SERGEF: variants seen among roughly 807,000 people sequenced by gnomAD.
The protein encoded by SERGEF is secretion regulating guanine nucleotide exchange factor.
A neutral mutation model predicts 50.0 loss-of-function variants in SERGEF; 51 were observed. The observed-to-expected ratio is 1.02, with a 90% CI of 0.81 to 1.29. SERGEF has a LOEUF of 1.29. SERGEF is among the 50% of genes most tolerant of loss of function. The probability of loss-of-function intolerance (pLI) is 0.00; values close to 1 mark genes in which losing one functional copy is unlikely to be tolerated. For synonymous variants in SERGEF, 205 were observed against 212.4 expected (o/e 0.97, Z 0.30); for missense variants, 521 against 557.0 (o/e 0.94, Z 0.65).
At chr11:17,825,300 C>T (rs988202310) in intron 10 of SERGEF, among the ~76,000 whole-genome samples, 3 of 152,052 alleles carry the variant, frequency 2.0e-5, no homozygotes, top group East Asian at 1.9e-4. Context: ...AAAATACAAG[C>T]GGAAATTCAA....
In SERGEF at chr11:17,976,665, G is replaced by T. The variant is rs1190070648; in HGVS notation, c.844+11932C>A. 2.0e-5 allele frequency among the ~76,000 whole-genome samples: 3 copies of T among 152,072 alleles called. No homozygotes were observed. In the East Asian group the frequency reaches 5.8e-4, roughly 29 times the overall value. On this transcript the variant is annotated intron_variant, in intron 8 of 10. Coordinates refer to ENST00000265965, the MANE Select transcript of SERGEF (RefSeq NM_012139.4). ...TCCCCTGAGAAAGGGCAAGCAGAGT[G>T]CCATCTGCCAAAAACCTAAAAATGA...
chr11:17,831,021 A>G (rs1850299239), intron 10 of SERGEF, among the ~76,000 whole-genome samples: 1 of 152,236 alleles, frequency 6.6e-6, no homozygotes, highest in Non-Finnish European at 1.5e-5. Context: ...TTCCCAAAGT[A>G]CTTTTCTATT....
chr11:18,008,356 A>T (rs1052919320), intron 1 of SERGEF, among the ~76,000 whole-genome samples: 2 of 152,232 alleles, frequency 1.3e-5, no homozygotes, highest in African/African-American at 4.8e-5. Flanking sequence ...ACTCATGACC[A>T]TAACAGTGGA....
intron 10 of SERGEF, among the ~76,000 whole-genome samples, chr11:17,822,043 T>G (rs1017240454): frequency 5.9e-5 from 9 of 152,266 alleles, no homozygotes; most frequent in Non-Finnish European, 1.3e-4. Flanking sequence ...CCAAACTCCC[T>G]CTAAACAGAA....
chr11:17,918,387 C>A (rs1590196827), intron 9 of SERGEF, among the ~76,000 whole-genome samples: 1 of 152,194 alleles, frequency 6.6e-6, no homozygotes, highest in East Asian at 1.9e-4. Flanking sequence ...CAGCTCCCTG[C>A]AGGGTCAATA....
intron 9 of SERGEF, among the ~76,000 whole-genome samples, chr11:17,912,790 C>A (rs773108170): frequency 3.6e-4 from 55 of 151,496 alleles, no homozygotes; most frequent in Non-Finnish European, 6.9e-4. Context: ...TAAGGCAGCC[C>A]TGACAAGTGG....
chr11:17,866,088 G>A (rs1851017449), intron 10 of SERGEF, among the ~76,000 whole-genome samples: 1 of 152,214 alleles, frequency 6.6e-6, no homozygotes, highest in Non-Finnish European at 1.5e-5. Context: ...CTGTTGCTCT[G>A]CCTTTAGCTG....
intron 1 of SERGEF, among the ~76,000 whole-genome samples, chr11:18,012,303 G>A (rs149165996): frequency 1.7e-3 from 260 of 152,276 alleles, no homozygotes; most frequent in African/African-American, 6.0e-3. Context: ...GTGCATGCTG[G>A]TCGGCCACCT....
In SERGEF at chr11:17,959,419, T is replaced by G. The variant is rs977426905; in HGVS notation, c.1011+51A>C. On this transcript the variant is annotated intron_variant, in intron 9 of 10. Transcript: ENST00000265965. Reference sequence around the variant, plus strand: ...AGTAGGCCCTCAGTAAATGATTCACTGAAAGACAAGAAAAAGGGACAGATT... The same window carrying G: ...AGTAGGCCCTCAGTAAATGATTCACGGAAAGACAAGAAAAAGGGACAGATT... 1.9e-6 allele frequency: 3 copies of G among 1,553,374 alleles called. No homozygotes were observed. In the African/African-American group the frequency reaches 4.1e-5, roughly 21 times the overall value.
intron 10 of SERGEF, among the ~76,000 whole-genome samples, chr11:17,831,605 G>A (rs1431212386): frequency 6.6e-6 from 1 of 152,170 alleles, no homozygotes; most frequent in Admixed American, 6.5e-5. Flanking sequence ...GGCCTTCTAG[G>A]GAAGAGGAAC....
intron 10 of SERGEF, among the ~76,000 whole-genome samples, chr11:17,857,117 T>A (rs1850835030): frequency 6.6e-6 from 1 of 152,130 alleles, no homozygotes. Flanking sequence ...GACTGCTAGG[T>A]CACAGTGACA....
chr11:18,012,847 G>T (rs753857707), intron 1 of SERGEF, 104 bp downstream of exon 1: 3 of 1,496,416 alleles, frequency 2.0e-6, no homozygotes, highest in South Asian at 2.4e-5. Flanking sequence ...AGCCCGGCTC[G>T]GACCTCAGCC....
chr11:17,905,473 C>A (rs1851822276), intron 9 of SERGEF, among the ~76,000 whole-genome samples: 1 of 152,228 alleles, frequency 6.6e-6, no homozygotes, highest in African/African-American at 2.4e-5. Context: ...ACCAGCCTTG[C>A]TGAACAACCA....
At chr11:17,891,082 T>C (rs1400638428) in intron 9 of SERGEF, among the ~76,000 whole-genome samples, 1 of 152,146 alleles carries the variant, frequency 6.6e-6, no homozygotes, top group African/African-American at 2.4e-5. Flanking sequence ...GATCAACAAA[T>C]TGGATAAAGA....
chr11:18,007,991 C>T lies in SERGEF; in HGVS notation c.146G>A (p.Arg49Lys). Residue 49 changes from arginine (R) to lysine (K), a missense_variant, in exon 2 of 11, where the codon AGG (arginine) becomes AAG (lysine). Physicochemically the swap from Arg to Lys is conservative, Grantham distance 26. Coordinates refer to ENST00000265965, the MANE Select transcript of SERGEF (RefSeq NM_012139.4). ...TCCTCCTGTGATCCTCCTGACACTCCTGGGTTTACAGAAGTCATTCAGTTG... is the reference window on the plus strand; with the variant it reads ...TCCTCCTGTGATCCTCCTGACACTCTTGGGTTTACAGAAGTCATTCAGTTG... The part of the protein sequence containing the change: ...PQQLNDFCKP[R>K]SVRRITGGGG... 6.2e-7 allele frequency: 1 copy of T among 1,614,106 alleles called. No homozygotes were observed. Among genetic ancestry groups the T allele is most frequent in the Non-Finnish European group, 8.5e-7 (1 of 1,179,984 alleles).
At chr11:17,790,009 A>G (rs551095185) in intron 10 of SERGEF, among the ~76,000 whole-genome samples, 1 of 152,346 alleles carries the variant, frequency 6.6e-6, no homozygotes, top group East Asian at 1.9e-4. Context: ...AAAAAAGTAA[A>G]TTAAAAATAA....
intron 1 of SERGEF, among the ~76,000 whole-genome samples, 198 bp from the exon 2 acceptor site, chr11:18,008,274 T>C (rs1854125194): frequency 6.6e-6 from 1 of 152,200 alleles, no homozygotes; most frequent in Admixed American, 6.5e-5. Flanking sequence ...TTCAAATATA[T>C]AATAACAAGC....
intron 10 of SERGEF, among the ~76,000 whole-genome samples, chr11:17,803,549 A>G (rs938831057): frequency 5.9e-5 from 9 of 152,210 alleles, no homozygotes. Context: ...AATAAGAACA[A>G]TCGTCTTTTC....
chr11:17,904,769 T>C (rs1260958027), intron 9 of SERGEF, among the ~76,000 whole-genome samples: 2 of 152,230 alleles, frequency 1.3e-5, no homozygotes, highest in Non-Finnish European at 2.9e-5. Flanking sequence ...GGAAATTATT[T>C]AGAGGCATTT....
Sources: allele counts gnomAD v4.1 joint callset (sites outside exome capture counted in the v4.1 genomes callset), GRCh38; gene constraint gnomAD v4.1.1; transcripts MANE v1.5; gene names NCBI Gene and HGNC (gene_info 2026-07-23, HGNC 2026-07-21).